The following ZSCAN1 variants were observed in gnomAD, a reference collection of about 807,000 sequenced individuals.
ZSCAN1 encodes the protein zinc finger and SCAN domain-containing protein 1.
ZSCAN1 carries 23 observed loss-of-function variants against 23.8 expected under a neutral mutation model. The ratio of observed to expected loss-of-function variants is 0.97; its 90% CI spans 0.70 to 1.37. The LOEUF is 1.37. Ranked by LOEUF, ZSCAN1 falls within the 40% of genes most tolerant of loss-of-function variation. The probability of loss-of-function intolerance (pLI) is 0.00; values close to 1 mark genes in which losing one functional copy is unlikely to be tolerated. For missense variants in ZSCAN1, 575 were observed against 554.0 expected, an observed-to-expected ratio of 1.04 and a Z score of -0.38; for synonymous variants, 236 against 232.3, an observed-to-expected ratio of 1.02 and a Z score of -0.15.
chr19:58,049,151 C>A lies in ZSCAN1; in HGVS notation c.466-3339C>A. The A allele has an allele frequency of 6.4e-6, 1 of 157,302 alleles. No individual in the cohort carries two copies. The highest frequency in any genetic ancestry group is 1.8e-4 in the South Asian group (1 of 5,710). 9.7% of individuals were successfully genotyped at this position (157,302 alleles called of 1,614,324 possible). A position where few individuals can be genotyped will look rare whatever the true frequency, so the allele number is the denominator to read the frequency against. On this transcript the variant is annotated intron_variant, in intron 4 of 5. Transcript: ENST00000282326. This position sits in a 1 kb window ranked among gnomAD's most constrained non-coding sequence, Gnocchi z 4.5. ...CGAAAACCTTTCGGGGGGTTCTTTC[C>A]CTTTTCAAGCTTTGGCTCTTTGCAG...
Position 58,034,042 on chromosome 19 carries a change from T to A in ZSCAN1, c.-271T>A, listed in dbSNP as rs1167370359. On this transcript the variant is annotated 5_prime_UTR_variant, in exon 1 of 6. It removes an upstream start codon present in the reference 5' UTR. Transcript: ENST00000282326. Reference sequence around the variant, plus strand: ...CGCCCGGCGTGATCCAGCGGACCAATGGCGGCCGCCCGCGGCGCGCAGGGT... The same window carrying A: ...CGCCCGGCGTGATCCAGCGGACCAAAGGCGGCCGCCCGCGGCGCGCAGGGT... The A allele has an allele frequency of 2.6e-5, 4 of 151,944 alleles. No individual in the cohort carries two copies. Among genetic ancestry groups the A allele is most frequent in the Non-Finnish European group, 5.9e-5 (4 of 67,968 alleles). 9.4% of individuals were successfully genotyped at this position (151,944 alleles called of 1,614,324 possible).
chr19:58,052,416 T>G, intron 4 of ZSCAN1, 74 bp from the exon 5 acceptor site: 4 of 1,607,218 alleles, frequency 2.5e-6, no homozygotes, highest in Non-Finnish European at 3.4e-6. Context: ...GCCCGTTCCT[T>G]GGTTGTTCGG....
intron 4 of ZSCAN1, among the ~76,000 whole-genome samples, chr19:58,042,671 A>G (rs1051209182): frequency 6.6e-6 from 1 of 152,166 alleles, no homozygotes; most frequent in Non-Finnish European, 1.5e-5. Flanking sequence ...GTTGTTGGCC[A>G]CGGGCTTCCT....
Position 58,045,480 on chromosome 19 carries a change from C to A in ZSCAN1, c.465+4936C>A. 1 of 1,313,720 alleles carries A rather than the reference C, an allele frequency of 7.6e-7. No individual in the cohort carries two copies. The highest frequency in any genetic ancestry group is 1.1e-6 in the Non-Finnish European group (1 of 905,658). 81.4% of individuals were successfully genotyped at this position (1,313,720 alleles called of 1,614,324 possible). A position where few individuals can be genotyped will look rare whatever the true frequency, so the allele number is the denominator to read the frequency against. On this transcript the variant is annotated intron_variant, in intron 4 of 5. Coordinates refer to ENST00000282326, the MANE Select transcript of ZSCAN1 (RefSeq NM_182572.4). This position sits in a 1 kb window ranked among gnomAD's most constrained non-coding sequence, Gnocchi z 4.3. ...GAAGATCCGGGAGACGGGGGAGAGG[C>A]CCAGCAATGAGGAAATCATGGGTTT...
At chr19:58,043,566 T>C (rs2073804513) in intron 4 of ZSCAN1, among the ~76,000 whole-genome samples, 1 of 152,210 alleles carries the variant, frequency 6.6e-6, no homozygotes, top group South Asian at 2.1e-4. Flanking sequence ...GTGGACTTCA[T>C]AAACATGGTG....
chr19:58,038,127 G>C lies in ZSCAN1; in HGVS notation c.291G>C (p.Trp97Cys), dbSNP rs750005852. The C allele has an allele frequency of 2.5e-6, 4 of 1,610,166 alleles. No individual in the cohort carries two copies. The highest frequency in any genetic ancestry group is 3.4e-6 in the Non-Finnish European group (4 of 1,179,554). Residue 97 changes from tryptophan to cysteine, a missense_variant, in exon 3 of 6, where the codon TGG becomes TGC. Coordinates refer to ENST00000282326, the MANE Select transcript of ZSCAN1 (RefSeq NM_182572.4). Reference protein sequence around the residue: ...LGALPSKMRTWVQSQGPRSCR... With the variant: ...LGALPSKMRTCVQSQGPRSCR... ...CGCTGCCCAGCAAGATGCGGACCTG[G>C]GTGCAGTCACAGGGCCCCCGAAGCT...
At chr19:58,041,135 A>G (rs115860978) in intron 4 of ZSCAN1, among the ~76,000 whole-genome samples, 2,019 of 152,370 alleles carry the variant, frequency 0.013, 43 homozygotes, top group African/African-American at 0.046. Flanking sequence ...AGTGAGTAGC[A>G]TGTGTTCGTA....
chr19:58,050,811 G>A (rs929233692), intron 4 of ZSCAN1, among the ~76,000 whole-genome samples: 1 of 152,048 alleles, frequency 6.6e-6, no homozygotes, highest in Non-Finnish European at 1.5e-5. Flanking sequence ...GAGCCACCAC[G>A]CCTGGCCCCT....
Position 58,053,298 on chromosome 19 carries a change from G to A in ZSCAN1, c.605-131G>A. The A allele has an allele frequency of 8.6e-7, 1 of 1,160,606 alleles. No individual in the cohort carries two copies. Among genetic ancestry groups the A allele is most frequent in the Non-Finnish European group, 1.2e-6 (1 of 825,194 alleles). 71.9% of individuals were successfully genotyped at this position (1,160,606 alleles called of 1,614,324 possible). On this transcript the variant is annotated intron_variant, in intron 5 of 5. Transcript: ENST00000282326. The surrounding 1 kb of genome is among the most constrained non-coding windows in gnomAD (Gnocchi z 5.8). ...TTAAAGGACAGAACGGAGGACACAGGGGCCGTATTGAGCAGAGGAAGGGCC... is the reference window on the plus strand; with the variant it reads ...TTAAAGGACAGAACGGAGGACACAGAGGCCGTATTGAGCAGAGGAAGGGCC...
At chr19:58,046,354 T>C in intron 4 of ZSCAN1, 1 of 935,928 alleles carries the variant, frequency 1.1e-6, no homozygotes, top group East Asian at 2.4e-5. Context: ...TGAAGAAAAA[T>C]ACATGGAAGG....
At chr19:58,038,704 C>T (rs1406151498) in intron 3 of ZSCAN1, among the ~76,000 whole-genome samples, 1 of 152,240 alleles carries the variant, frequency 6.6e-6, no homozygotes, top group African/African-American at 2.4e-5. Context: ...TCTCTCAGCT[C>T]CCCTCTCCCC....
In ZSCAN1 at chr19:58,037,813, C is replaced by A; in HGVS notation, c.-24C>A. 6.9e-7 allele frequency: 1 copy of A among 1,456,872 alleles called. No individual in the cohort carries two copies. The highest frequency in any genetic ancestry group is 9.0e-7 in the Non-Finnish European group (1 of 1,106,726). 90.2% of individuals were successfully genotyped at this position (1,456,872 alleles called of 1,614,324 possible). ...CGGGATCCAGTCCACACACACCCCT[C>A]AGAGGGGCACTGTGGCCAGAGAAAT... On this transcript the variant is annotated 5_prime_UTR_variant, in exon 3 of 6. Coordinates refer to ENST00000282326, the MANE Select transcript of ZSCAN1 (RefSeq NM_182572.4).
chr19:58,052,669 GT>G, intron 5 of ZSCAN1, 41 bp downstream of exon 5: 1 of 1,536,284 alleles, frequency 6.5e-7, no homozygotes, highest in Non-Finnish European at 8.8e-7. Context: ...TGGAAATGGA[GT>G]TTGGGACTTC....
At position 58,049,717 on chromosome 19, in the gene ZSCAN1, C is replaced by A. The variant is rs1048659691; in HGVS notation, c.466-2773C>A. Among the ~76,000 whole-genome samples, 1 of 152,172 alleles carries A rather than the reference C, an allele frequency of 6.6e-6. No homozygotes were observed. The highest frequency in any genetic ancestry group is 2.4e-5 in the African/African-American group (1 of 41,452). ...TGGGCGTATCTCCCTGAGGCCCTGG[C>A]GGGAATGACTGTTGGAACCTCAGTG... On this transcript the variant is annotated intron_variant, in intron 4 of 5. Coordinates refer to ENST00000282326, the MANE Select transcript of ZSCAN1 (RefSeq NM_182572.4). This position sits in a 1 kb window ranked among gnomAD's most constrained non-coding sequence, Gnocchi z 4.5.
intron 4 of ZSCAN1, chr19:58,046,766 C>G: frequency 1.3e-6 from 1 of 761,128 alleles, no homozygotes; most frequent in East Asian, 2.5e-5. Flanking sequence ...AGGTGAAGAG[C>G]TAGAGCCACT....
rs1452644874 is a variant in ZSCAN1, at chr19:58,053,402, G to A, written c.605-27G>A. On this transcript the variant is annotated intron_variant, in intron 5 of 5. Coordinates refer to ENST00000282326, the MANE Select transcript of ZSCAN1 (RefSeq NM_182572.4). The surrounding 1 kb of genome is among the most constrained non-coding windows in gnomAD (Gnocchi z 5.8). ...TGCCAAGGCCATCCACTCACTACAG[G>A]TGACCCATCTCCCTCGCCCTCCACA... The A allele has an allele frequency of 1.3e-6, 2 of 1,588,076 alleles. No homozygotes were observed. Among genetic ancestry groups the A allele is most frequent in the Admixed American group, 3.4e-5 (2 of 58,850 alleles).
chr19:58,042,263 C>CTT (rs1011122770), intron 4 of ZSCAN1, among the ~76,000 whole-genome samples: 3 of 140,222 alleles, frequency 2.1e-5, no homozygotes. Flanking sequence ...TTCTACTTTA[C>CTT]TTTTTTTTTT....
In ZSCAN1 at chr19:58,045,996, G is replaced by T; in HGVS notation, c.465+5452G>T. 1.4e-6 allele frequency: 1 copy of T among 713,448 alleles called. No individual in the cohort carries two copies. Among genetic ancestry groups the T allele is most frequent in the South Asian group, 1.7e-5 (1 of 60,518 alleles). 44.2% of individuals were successfully genotyped at this position (713,448 alleles called of 1,614,324 possible). On this transcript the variant is annotated intron_variant, in intron 4 of 5. Coordinates refer to ENST00000282326, the MANE Select transcript of ZSCAN1 (RefSeq NM_182572.4). This position sits in a 1 kb window ranked among gnomAD's most constrained non-coding sequence, Gnocchi z 4.3. Reference sequence around the variant, plus strand: ...TGCAGGAGAAGGCGACCATGCAGTAGGAGCACCGCGAGAAGGAGCTGCAGA... The same window carrying T: ...TGCAGGAGAAGGCGACCATGCAGTATGAGCACCGCGAGAAGGAGCTGCAGA...
chr19:58,053,422 T>C lies in ZSCAN1; in HGVS notation c.605-7T>C. 6.2e-7 allele frequency: 1 copy of C among 1,603,862 alleles called. No homozygotes were observed. The highest frequency in any genetic ancestry group is 8.5e-7 in the Non-Finnish European group (1 of 1,173,008). On this transcript the variant is annotated splice_polypyrimidine_tract_variant and splice_region_variant and intron_variant, in intron 5 of 5. Coordinates refer to ENST00000282326, the MANE Select transcript of ZSCAN1 (RefSeq NM_182572.4). This position sits in a 1 kb window ranked among gnomAD's most constrained non-coding sequence, Gnocchi z 5.8. ...TACAGGTGACCCATCTCCCTCGCCC[T>C]CCACAGGGTCCCGGGCCCGCTTGCC...
Sources: gnomAD v4.1 joint callset for allele counts (sites outside exome capture counted in the v4.1 genomes callset) on GRCh38, gnomAD v4.1.1 for gene constraint, Gnocchi (gnomAD v3.1) non-coding constraint, MANE v1.5 for transcripts, NCBI Gene and HGNC (gene_info 2026-07-23, HGNC 2026-07-21) for gene names.